Variants in GABRA2 observed in about 807,000 individuals in gnomAD.
The protein encoded by GABRA2 is gamma-aminobutyric acid receptor subunit alpha-2.
A neutral mutation model predicts 48.7 loss-of-function variants in GABRA2; 16 were observed. That is an observed-to-expected ratio of 0.33 (90% CI 0.22 to 0.50). GABRA2 has a LOEUF of 0.50. GABRA2 is among the 20% of genes least tolerant of loss of function. GABRA2 has a pLI of 0.98. For synonymous variants in GABRA2, 185 were observed against 184.5 expected, an observed-to-expected ratio of 1.00 and a Z score of -0.02; for missense variants, 275 against 535.6, an observed-to-expected ratio of 0.51 and a Z score of 4.80.
At chr4:46,341,421 G>A (rs2109855769) in intron 3 of GABRA2, among the ~76,000 whole-genome samples, 1 of 152,128 alleles carries the variant, frequency 6.6e-6, no homozygotes, top group South Asian at 2.1e-4. Flanking sequence ...GCATGTGTGT[G>A]TATGTTGCTG....
chr4:46,380,082 C>G (rs559076451), intron 3 of GABRA2, among the ~76,000 whole-genome samples: 1 of 152,280 alleles, frequency 6.6e-6, no homozygotes, highest in East Asian at 1.9e-4. Flanking sequence ...TACATCCCAG[C>G]TTAGGGTGGT....
intron 3 of GABRA2, among the ~76,000 whole-genome samples, chr4:46,341,664 C>G (rs955996529): frequency 6.6e-6 from 1 of 152,140 alleles, no homozygotes; most frequent in African/African-American, 2.4e-5. Context: ...TCTGCCTAAG[C>G]CTTCACTTCC....
chr4:46,377,577 G>A (rs1388343248), intron 3 of GABRA2, among the ~76,000 whole-genome samples: 4 of 151,504 alleles, frequency 2.6e-5, no homozygotes, highest in African/African-American at 2.4e-5. Context: ...GTCTCTGCCC[G>A]GCAGCCACCT....
At chr4:46,364,470 T>C (rs1578180820) in intron 3 of GABRA2, 3 of 152,234 alleles carry the variant, frequency 2.0e-5, no homozygotes, top group Non-Finnish European at 2.9e-5. Context: ...TGCTATGTCT[T>C]GGTTCTCTGC....
chr4:46,268,402 T>A lies in GABRA2; in HGVS notation c.857-6274A>T, dbSNP rs569009786. ...GGCAAGGGACTTCAAAAGATATTCC[T>A]CAAGGGAAGACGTTAATAGTTGACA... On this transcript the variant is annotated intron_variant, in intron 8 of 9. Coordinates refer to ENST00000381620, the MANE Select transcript of GABRA2 (RefSeq NM_000807.4). Among the ~76,000 whole-genome samples, 13 of 151,888 alleles carry A rather than the reference T, an allele frequency of 8.6e-5. No individual in the cohort carries two copies. The South Asian group carries it at 2.7e-3, about 32-fold the overall frequency.
chr4:46,336,472 G>A (rs145309156), intron 3 of GABRA2, among the ~76,000 whole-genome samples: 19 of 152,172 alleles, frequency 1.2e-4, no homozygotes, highest in African/African-American at 4.6e-4. Flanking sequence ...GCTAAATAAT[G>A]GTTTACCATT....
chr4:46,363,544 C>T (rs1477022001), intron 3 of GABRA2, among the ~76,000 whole-genome samples: 2 of 151,990 alleles, frequency 1.3e-5, no homozygotes, highest in Non-Finnish European at 1.5e-5. Context: ...TTTGAGAATA[C>T]ATAATGACTT....
chr4:46,266,325 TATAAA>T (rs1288690423), intron 8 of GABRA2, among the ~76,000 whole-genome samples: 2 of 147,976 alleles, frequency 1.4e-5, no homozygotes, highest in African/African-American at 4.9e-5. Flanking sequence ...TTAAAATAAA[TATAAA>T]ATAAATTTAT....
intron 9 of GABRA2, 158 bp downstream of exon 9, chr4:46,261,767 TA>T: frequency 1.5e-6 from 1 of 679,668 alleles, no homozygotes; most frequent in Non-Finnish European, 2.5e-6. Context: ...CAAGAACTCC[TA>T]AAGGATTTCA....
At position 46,305,725 on chromosome 4, in the gene GABRA2, G is replaced by GA. The variant is rs750868032; in HGVS notation, c.560-15dup. 3.2e-6 allele frequency: 5 copies of GA among 1,586,020 alleles called. No homozygotes were observed. The highest frequency in any genetic ancestry group is 2.6e-6 in the Non-Finnish European group (3 of 1,160,456). On this transcript the variant is annotated splice_polypyrimidine_tract_variant and intron_variant, in intron 6 of 9. Transcript: ENST00000381620. Reference sequence around the variant, plus strand: ...TTGTATATGCATCTATAGGAAATCAGAAAAAATATTTTAAGCATTTTAGTA... The same window carrying GA: ...TTGTATATGCATCTATAGGAAATCAGAAAAAAATATTTTAAGCATTTTAGTA...
At chr4:46,363,935 T>C (rs1411354700) in intron 3 of GABRA2, 1 of 152,184 alleles carries the variant, frequency 6.6e-6, no homozygotes, top group Admixed American at 6.5e-5. Context: ...TTACATGTAA[T>C]TGATTAAAAA....
At chr4:46,333,674 T>C (rs1390485070) in intron 3 of GABRA2, among the ~76,000 whole-genome samples, 2 of 152,098 alleles carry the variant, frequency 1.3e-5, no homozygotes, top group African/African-American at 2.4e-5. Context: ...GGGGTAGACT[T>C]TGAATGCCTA....
chr4:46,328,383 C>T (rs1229782294), intron 4 of GABRA2, among the ~76,000 whole-genome samples: 1 of 150,864 alleles, frequency 6.6e-6, no homozygotes, highest in Non-Finnish European at 1.5e-5. Flanking sequence ...AGGCTAATGT[C>T]ATAACAAATC....
chr4:46,311,755 TTTAAA>T (rs1165036460), intron 5 of GABRA2, among the ~76,000 whole-genome samples: 7 of 152,328 alleles, frequency 4.6e-5, no homozygotes, highest in Non-Finnish European at 8.8e-5. Context: ...TCTCTCTGAA[TTTAAA>T]TTAAAGTTAT....
At position 46,356,926 on chromosome 4, in the gene GABRA2, T is replaced by C. The variant is rs147710277; in HGVS notation, c.188-24244A>G. 2.8e-4 allele frequency among the ~76,000 whole-genome samples: 42 copies of C among 152,164 alleles called. No homozygotes were observed. In the East Asian group the frequency reaches 7.7e-3, roughly 28 times the overall value. ...ACTGAACATGATCAGCTTTGCCACT[T>C]TCTCTGATTTAAGATCCCCTTGCCC... On this transcript the variant is annotated intron_variant, in intron 3 of 9. Transcript: ENST00000381620.
intron 8 of GABRA2, among the ~76,000 whole-genome samples, chr4:46,279,389 T>A (rs915673599): frequency 6.6e-6 from 1 of 152,180 alleles, no homozygotes; most frequent in Non-Finnish European, 1.5e-5. Context: ...TACAAGACTA[T>A]CTAAAATCAC....
At chr4:46,308,058 C>A (rs1727007113) in intron 6 of GABRA2, among the ~76,000 whole-genome samples, 1 of 151,992 alleles carries the variant, frequency 6.6e-6, no homozygotes, top group Non-Finnish European at 1.5e-5. Flanking sequence ...ATTTTTGAGT[C>A]CTATGTTGCA....
intron 8 of GABRA2, among the ~76,000 whole-genome samples, chr4:46,273,248 A>T (rs1577854789): frequency 6.6e-6 from 1 of 151,196 alleles, no homozygotes; most frequent in African/African-American, 2.4e-5. Context: ...GTTGTTTTTC[A>T]TTTTTTAAAT....
chr4:46,345,713 T>C (rs1734037520), intron 3 of GABRA2, among the ~76,000 whole-genome samples: 8 of 151,784 alleles, frequency 5.3e-5, no homozygotes, highest in Admixed American at 5.3e-4. Context: ...TGCTACCATT[T>C]CCCAAATAAA....
Sources: gnomAD v4.1 joint callset for allele counts (sites outside exome capture counted in the v4.1 genomes callset) on GRCh38, gnomAD v4.1.1 for gene constraint, MANE v1.5 for transcripts, NCBI Gene and HGNC (gene_info 2026-07-23, HGNC 2026-07-21) for gene names.